BRD10: variants seen among roughly 807,000 people sequenced by gnomAD.
BRD10 encodes bromodomain containing 10, also known as uncharacterized bromodomain-containing protein 10.
chr9:5,884,287 T>C, the BRD10 span, among the ~76,000 whole-genome samples: 1 of 152,240 alleles, frequency 6.6e-6, no homozygotes, highest in African/African-American at 2.4e-5. Context: ...CCCATTTTTT[T>C]CCCTGCTTAA....
At chr9:5,966,455 C>CTTT in the BRD10 span, among the ~76,000 whole-genome samples, 26,008 of 83,792 alleles carry the variant, frequency 0.31, 5,326 homozygotes, top group Middle Eastern at 0.43. Context: ...CTAACATTTC[C>CTTT]TTTTTTTTTT....
chr9:5,995,212 C>G, the BRD10 span, among the ~76,000 whole-genome samples: 1 of 152,178 alleles, frequency 6.6e-6, no homozygotes, highest in Admixed American at 6.5e-5. Flanking sequence ...AATGCTACCA[C>G]TATTCAAAAG....
chr9:6,000,047 T>C, the BRD10 span, among the ~76,000 whole-genome samples: 1 of 152,298 alleles, frequency 6.6e-6, no homozygotes, highest in African/African-American at 2.4e-5. Flanking sequence ...AAAAGTAATA[T>C]GCTTATTGTA....
At chr9:5,983,479 C>CTT in the BRD10 span, among the ~76,000 whole-genome samples, 1 of 151,936 alleles carries the variant, frequency 6.6e-6, no homozygotes, top group Admixed American at 6.6e-5. Flanking sequence ...AGAAAAACAA[C>CTT]AGAAAGACTT....
the BRD10 span, among the ~76,000 whole-genome samples, chr9:5,911,524 TTTC>T: frequency 6.7e-6 from 1 of 149,950 alleles, no homozygotes; most frequent in Non-Finnish European, 1.5e-5. Context: ...TTAGGTCCTT[TTTC>T]TTTTCTTTTC....
At chr9:5,930,277 A>G in the BRD10 span, among the ~76,000 whole-genome samples, 9 of 151,408 alleles carry the variant, frequency 5.9e-5, no homozygotes, top group Non-Finnish European at 8.8e-5. Flanking sequence ...CCATTTGCAT[A>G]TAAGTAGAAC....
the BRD10 span, chr9:6,007,107 C>T: frequency 8.7e-6 from 12 of 1,374,754 alleles, no homozygotes; most frequent in Non-Finnish European, 1.2e-5. Context: ...GCGCCGCCCC[C>T]AGGCCCCTGG....
chr9:5,918,554 A>C, the BRD10 span, among the ~76,000 whole-genome samples: 35 of 152,288 alleles, frequency 2.3e-4, no homozygotes, highest in African/African-American at 8.2e-4. Context: ...CTCTACAAAA[A>C]ATTAAAAAAT....
At chr9:5,916,268 T>G in the BRD10 span, among the ~76,000 whole-genome samples, 2 of 152,216 alleles carry the variant, frequency 1.3e-5, no homozygotes, top group Admixed American at 1.3e-4. Context: ...CTTAGATCTC[T>G]TTCAGAATTT....
the BRD10 span, chr9:5,924,940 AT>A: frequency 1.1e-6 from 1 of 887,002 alleles, no homozygotes. Flanking sequence ...ATATGGAAAT[AT>A]TTTTTATTAA....
the BRD10 span, among the ~76,000 whole-genome samples, chr9:5,978,013 T>C: frequency 2.6e-5 from 4 of 152,172 alleles, no homozygotes; most frequent in East Asian, 1.9e-4. Context: ...GTTGGGAAAA[T>C]ACCAAAAGGC....
chr9:5,996,853 G>A, the BRD10 span, among the ~76,000 whole-genome samples: 1 of 152,264 alleles, frequency 6.6e-6, no homozygotes. Flanking sequence ...CTTCTCAGGA[G>A]TTCTCAATGC....
chr9:5,931,993 C>T, the BRD10 span, among the ~76,000 whole-genome samples: 1 of 152,124 alleles, frequency 6.6e-6, no homozygotes, highest in Non-Finnish European at 1.5e-5. Context: ...AAACATGGTG[C>T]TTATAACCCC....
chr9:5,895,457 T>C, the BRD10 span, among the ~76,000 whole-genome samples: 1 of 151,896 alleles, frequency 6.6e-6, no homozygotes, highest in Non-Finnish European at 1.5e-5. Flanking sequence ...AAACAATGCA[T>C]CCCTAAGATC....
chr9:5,983,209 G>C, the BRD10 span, among the ~76,000 whole-genome samples: 1 of 152,150 alleles, frequency 6.6e-6, no homozygotes, highest in African/African-American at 2.4e-5. Flanking sequence ...CCACTTAGGG[G>C]CATTTAGCAG....
chr9:5,952,131 C>T, the BRD10 span, among the ~76,000 whole-genome samples: 1 of 151,960 alleles, frequency 6.6e-6, no homozygotes, highest in South Asian at 2.1e-4. Flanking sequence ...AGTGATTCTC[C>T]TCTCTCAGCC....
At chr9:5,906,196 AAAAG>A in the BRD10 span, among the ~76,000 whole-genome samples, 2 of 151,294 alleles carry the variant, frequency 1.3e-5, no homozygotes, top group African/African-American at 4.9e-5. Context: ...TAAAAAAAAA[AAAAG>A]AAAGAAAGAA....
At chr9:5,921,023 G>C in the BRD10 span, 4 of 1,613,926 alleles carry the variant, frequency 2.5e-6, no homozygotes, top group South Asian at 2.2e-5. Flanking sequence ...AGATAAATTT[G>C]CTCCGGTAAC....
chr9:5,890,180 G>C, the BRD10 span, among the ~76,000 whole-genome samples: 1 of 152,180 alleles, frequency 6.6e-6, no homozygotes, highest in East Asian at 1.9e-4. Context: ...CGTGATGATT[G>C]GGTTTCCATG....
Sources: allele counts gnomAD v4.1 joint callset (sites outside exome capture counted in the v4.1 genomes callset), GRCh38; gene constraint gnomAD v4.1.1; transcripts MANE v1.5; gene names NCBI Gene and HGNC (gene_info 2026-07-23, HGNC 2026-07-21).